DERL1: variants seen among roughly 807,000 people sequenced by gnomAD.
The protein encoded by DERL1 is derlin-1.
A neutral mutation model predicts 41.6 loss-of-function variants in DERL1; 24 were observed. That is an observed-to-expected ratio of 0.58 (90% CI 0.42 to 0.81). DERL1 has a LOEUF of 0.81. Ranked by LOEUF, DERL1 falls within the 30% of genes least tolerant of loss-of-function variation. The pLI, the probability that DERL1 is intolerant of heterozygous loss-of-function variation, is 0.00. For synonymous variants in DERL1, 124 were observed against 112.5 expected (o/e 1.10, Z -0.65); for missense variants, 260 against 314.3 (o/e 0.83, Z 1.31).
At chr8:123,030,873 C>A in intron 1 of DERL1, 157 bp from the exon 2 acceptor site, 1 of 616,254 alleles carries the variant, frequency 1.6e-6, no homozygotes, top group South Asian at 2.0e-5. Flanking sequence ...GAAAAGTGTT[C>A]ACACCAAATA....
In DERL1 at chr8:123,042,051, G is replaced by A. The variant is rs1586476340; in HGVS notation, c.72C>T (p.Ala24=). ...GGCCGAGTTTGCCGACCAAGGGCAC[G>A]GCGACGGTGGCGGCGAACCAATAGC... The part of the protein sequence containing the change: ...ITRYWFAATV[A]VPLVGKLGLI... The change falls in exon 1 of 8, where the codon GCC becomes GCT. Residue 24 remains alanine (A), a synonymous_variant. Coordinates refer to ENST00000259512, the MANE Select transcript of DERL1 (RefSeq NM_024295.6). The A allele has an allele frequency of 6.2e-7, 1 of 1,613,894 alleles. No individual in the cohort carries two copies. Among genetic ancestry groups the A allele is most frequent in the South Asian group, 1.1e-5 (1 of 91,042 alleles).
chr8:123,035,412 A>C (rs1207643654), intron 1 of DERL1, among the ~76,000 whole-genome samples: 1 of 152,164 alleles, frequency 6.6e-6, no homozygotes, highest in Non-Finnish European at 1.5e-5. Context: ...TTTTTCCTCG[A>C]CCTGATATGT....
At chr8:123,035,378 T>C (rs1487343340) in intron 1 of DERL1, among the ~76,000 whole-genome samples, 1 of 152,216 alleles carries the variant, frequency 6.6e-6, no homozygotes, top group East Asian at 1.9e-4. Context: ...AAATCCCCAT[T>C]GTAAGTATCC....
chr8:123,033,045 T>C (rs1812850788), intron 1 of DERL1, among the ~76,000 whole-genome samples: 1 of 151,986 alleles, frequency 6.6e-6, no homozygotes, highest in African/African-American at 2.4e-5. Flanking sequence ...TGTTTGTTTT[T>C]TGAGACGGGC....
At chr8:123,033,651 G>A (rs1462752701) in intron 1 of DERL1, among the ~76,000 whole-genome samples, 2 of 152,218 alleles carry the variant, frequency 1.3e-5, no homozygotes, top group Non-Finnish European at 2.9e-5. Flanking sequence ...GCTGAGGCAG[G>A]AGAATCGCTT....
In DERL1 at chr8:123,022,646, C is replaced by T. The variant is rs1026778500; in HGVS notation, c.453+38G>A. On this transcript the variant is annotated intron_variant, in intron 5 of 7. Transcript: ENST00000259512. ...TGGACTGAAGAGGGATTTCTGCAGA[C>T]AAATGAAAAGGACACTTTTCCAACC... The T allele has an allele frequency of 1.9e-6, 3 of 1,589,328 alleles. No individual in the cohort carries two copies. The African/African-American group carries it at 4.0e-5, about 21-fold the overall frequency.
At chr8:123,033,160 G>A (rs1387193680) in intron 1 of DERL1, among the ~76,000 whole-genome samples, 2 of 152,132 alleles carry the variant, frequency 1.3e-5, no homozygotes, top group Non-Finnish European at 2.9e-5. Flanking sequence ...ACTGGGCCTA[G>A]CCTAGTTTCT....
chr8:123,039,188 C>A (rs2130498686), intron 1 of DERL1, among the ~76,000 whole-genome samples: 1 of 152,290 alleles, frequency 6.6e-6, no homozygotes, highest in East Asian at 1.9e-4. Context: ...CTCTGGCCTC[C>A]TAACTGGATT....
intron 1 of DERL1, among the ~76,000 whole-genome samples, chr8:123,034,994 T>C (rs1812894546): frequency 6.6e-6 from 1 of 152,254 alleles, no homozygotes; most frequent in Admixed American, 6.5e-5. Context: ...GTGTGTTAAT[T>C]GTATTATCAC....
chr8:123,023,984 AT>A (rs1554595273), intron 3 of DERL1, among the ~76,000 whole-genome samples: 1 of 152,204 alleles, frequency 6.6e-6, no homozygotes, highest in Non-Finnish European at 1.5e-5. Context: ...AATTAAAAAA[AT>A]TTTTAAGTTA....
At chr8:123,032,145 T>TCC (rs1471111867) in intron 1 of DERL1, among the ~76,000 whole-genome samples, 26 of 141,706 alleles carry the variant, frequency 1.8e-4, no homozygotes, top group African/African-American at 6.6e-4. Context: ...ATTTTTTTTT[T>TCC]CCCCCCCGAG....
At chr8:123,031,798 T>G (rs1303004439) in intron 1 of DERL1, among the ~76,000 whole-genome samples, 1 of 152,242 alleles carries the variant, frequency 6.6e-6, no homozygotes, top group African/African-American at 2.4e-5. Context: ...TCTAAACTTT[T>G]GTTTAAACTG....
intron 2 of DERL1, among the ~76,000 whole-genome samples, chr8:123,026,528 T>C (rs1313683413): frequency 6.6e-6 from 1 of 152,230 alleles, no homozygotes; most frequent in East Asian, 1.9e-4. Flanking sequence ...CAGGAAAATG[T>C]GCAGGTGGCA....
rs901372123 is a variant in DERL1, at chr8:123,015,941, C to G, written c.618-356G>C. 4 of 169,588 alleles carry G rather than the reference C, an allele frequency of 2.4e-5. No individual in the cohort carries two copies. In the East Asian group the frequency reaches 6.6e-4, roughly 28 times the overall value. The allele number at this position is 169,588 out of a possible 1,614,324, so 10.5% of individuals were successfully genotyped here. On this transcript the variant is annotated intron_variant, in intron 7 of 7. Coordinates refer to ENST00000259512, the MANE Select transcript of DERL1 (RefSeq NM_024295.6). ...AATGACTGATAGCATCTTGGTATAT[C>G]TAAATATGGCTCAAACTGGATCAAA... is the stretch of plus-strand genomic sequence containing the variant.
At chr8:123,023,987 T>C (rs998877456) in intron 3 of DERL1, among the ~76,000 whole-genome samples, 1 of 152,202 alleles carries the variant, frequency 6.6e-6, no homozygotes, top group African/African-American at 2.4e-5. Flanking sequence ...TAAAAAAATT[T>C]TTAAGTTAAT....
chr8:123,040,880 C>A (rs916283630), intron 1 of DERL1, among the ~76,000 whole-genome samples: 1 of 152,108 alleles, frequency 6.6e-6, no homozygotes, highest in Non-Finnish European at 1.5e-5. Context: ...GTTTTGGACA[C>A]GTTAAGATGA....
intron 2 of DERL1, among the ~76,000 whole-genome samples, chr8:123,027,272 C>A (rs563447580): frequency 8.7e-6 from 1 of 114,902 alleles, no homozygotes. Flanking sequence ...CCAGCCTGGG[C>A]GACAGAGTGA....
rs886092156 is a variant in DERL1 at position 123,035,110 on chromosome 8, T to C, written c.154-4394A>G. On this transcript the variant is annotated intron_variant, in intron 1 of 7. Transcript: ENST00000259512. ...GCCTGGTTTTGGAAAAGAAACCTTG[T>C]TTTTGTCTGACTACATTTTCTCTAA... Among the ~76,000 whole-genome samples, 73 of 152,198 alleles carry C rather than the reference T, an allele frequency of 4.8e-4. 4 individuals carry two copies. Among genetic ancestry groups the C allele is most frequent in the Non-Finnish European group, 1.5e-5 (1 of 68,038 alleles).
At chr8:123,028,173 T>C (rs1002796295) in intron 2 of DERL1, among the ~76,000 whole-genome samples, 3 of 152,148 alleles carry the variant, frequency 2.0e-5, no homozygotes, top group Non-Finnish European at 4.4e-5. Context: ...TTCTGAAATA[T>C]TTACAAATGA....
Sources: allele counts gnomAD v4.1 joint callset (sites outside exome capture counted in the v4.1 genomes callset), GRCh38; gene constraint gnomAD v4.1.1; transcripts MANE v1.5; gene names NCBI Gene and HGNC (gene_info 2026-07-23, HGNC 2026-07-21).